The following ANO7 variants were observed in gnomAD, a reference collection of about 807,000 sequenced individuals.
The protein encoded by ANO7 is anoctamin 7, also known as anoctamin-7.
Under a neutral mutation model 115.8 loss-of-function variants are expected in ANO7, and 114 were observed. The ratio of observed to expected loss-of-function variants is 0.98; its 90% CI spans 0.85 to 1.15. The LOEUF (loss-of-function observed/expected upper bound fraction) is 1.15. ANO7 is among the 50% of genes most tolerant of loss of function. The pLI is 0.00. For synonymous variants in ANO7, 550 were observed against 498.2 expected (o/e 1.10, Z -1.38); for missense variants, 1,302 against 1,201.2 (o/e 1.08, Z -1.24).
chr2:241,239,594 G>A, the ANO7 span: 2 of 1,612,592 alleles, frequency 1.2e-6, no homozygotes, highest in Non-Finnish European at 1.7e-6. This position sits in a 1 kb window ranked among gnomAD's most constrained non-coding sequence, Gnocchi z 4.6. Flanking sequence ...GAGCACCCAA[G>A]TGCCTACCAG....
intron 17 of ANO7, 49 bp from the exon 18 acceptor site, chr2:241,214,756 T>C: frequency 1.3e-6 from 2 of 1,529,694 alleles, no homozygotes; most frequent in Non-Finnish European, 1.8e-6. Flanking sequence ...GATGCGTGGG[T>C]GAGTGGCTGG....
chr2:241,230,575 T>C (rs1337949723), downstream of ANO7, among the ~76,000 whole-genome samples: 1 of 152,222 alleles, frequency 6.6e-6, no homozygotes, highest in African/African-American at 2.4e-5. This position sits in a 1 kb window ranked among gnomAD's most constrained non-coding sequence, Gnocchi z 5.0. Flanking sequence ...ACCGTGGCAG[T>C]GCAGCCTCAC....
the ANO7 span, chr2:241,238,502 G>A: frequency 6.9e-6 from 4 of 582,878 alleles, no homozygotes; most frequent in Admixed American, 2.9e-5. This position sits in a 1 kb window ranked among gnomAD's most constrained non-coding sequence, Gnocchi z 4.9. Flanking sequence ...GCCAGGGAGT[G>A]ACCCTGAACC....
chr2:241,213,073 T>G (rs2068750576), intron 17 of ANO7, among the ~76,000 whole-genome samples: 1 of 152,190 alleles, frequency 6.6e-6, no homozygotes, highest in South Asian at 2.1e-4. Flanking sequence ...GAGAAAAGTG[T>G]GAGCCATTAC....
In ANO7 at chr2:241,203,717, C is replaced by A. The variant is rs939164424; in HGVS notation, c.889+219C>A. ...TGCCGGGCCCTGGCCTCCTAATGCTCCAGTAACAGTGCTGAGAGCCGCTTC... is the reference window on the plus strand; with the variant it reads ...TGCCGGGCCCTGGCCTCCTAATGCTACAGTAACAGTGCTGAGAGCCGCTTC... On this transcript the variant is annotated intron_variant, in intron 9 of 24. Coordinates refer to ENST00000674324, the MANE Select transcript of ANO7 (RefSeq NM_001370694.2). This position sits in a 1 kb window ranked among gnomAD's most constrained non-coding sequence, Gnocchi z 4.8. 6.6e-6 allele frequency among the ~76,000 whole-genome samples: 1 copy of A among 152,122 alleles called. No homozygotes were observed. Among genetic ancestry groups the A allele is most frequent in the Non-Finnish European group, 1.5e-5 (1 of 68,012 alleles).
At chr2:241,223,074 T>C (rs2069064316) in intron 21 of ANO7, 112 bp from the exon 22 acceptor site, 2 of 933,036 alleles carry the variant, frequency 2.1e-6, no homozygotes, top group South Asian at 1.5e-5. Flanking sequence ...GCCAGGAACA[T>C]GGGATGAGAG....
At chr2:241,211,147 G>T (rs2068710768) in intron 15 of ANO7, among the ~76,000 whole-genome samples, 1 of 152,250 alleles carries the variant, frequency 6.6e-6, no homozygotes, top group African/African-American at 2.4e-5. Flanking sequence ...GACCCTGGGG[G>T]CACTCCAGCA....
downstream of ANO7, among the ~76,000 whole-genome samples, chr2:241,226,623 A>G (rs180927469): frequency 3.3e-3 from 501 of 152,098 alleles, 1 homozygote; most frequent in African/African-American, 0.012. Context: ...ACGGGGTTTC[A>G]CCGTGTTAGC....
In ANO7 at chr2:241,200,165, T is replaced by C; in HGVS notation, c.494T>C (p.Val165Ala). 6.2e-7 allele frequency: 1 copy of C among 1,612,820 alleles called. No individual in the cohort carries two copies. Among genetic ancestry groups the C allele is most frequent in the Non-Finnish European group, 8.5e-7 (1 of 1,179,930 alleles). Residue 165 changes from valine to alanine, a missense_variant, in exon 6 of 25, where the codon GTT (valine) becomes GCT (alanine). Coordinates refer to ENST00000674324, the MANE Select transcript of ANO7 (RefSeq NM_001370694.2). ...WLGIPNVLLE[V>A]VPDVPPEYYS... ...GGCATCCCCAACGTCCTGCTGGAGG[T>C]TGTGCCAGACGTACCCCCCGAGTAC... is the stretch of plus-strand genomic sequence containing the variant.
the ANO7 span, among the ~76,000 whole-genome samples, chr2:241,233,568 G>A: frequency 1.3e-5 from 2 of 152,104 alleles, no homozygotes; most frequent in Non-Finnish European, 2.9e-5. The surrounding 1 kb of genome is among the most constrained non-coding windows in gnomAD (Gnocchi z 4.3). Context: ...TGGAGCTCCT[G>A]CTCATTTTCT....
chr2:241,216,129 C>T lies in ANO7; in HGVS notation c.1863C>T (p.Arg621=), dbSNP rs143732205. Residue 621 remains arginine, a synonymous_variant, in exon 19 of 25, where the codon CGC becomes CGT. Transcript: ENST00000674324. The part of the protein sequence containing the change: ...LKGWWQKFRL[R]SKKRKAGASA... Reference sequence around the variant, plus strand: ...GCTGGTGGCAGAAGTTCCGGCTTCGCTCCAAGAAGAGGAAGGCGGGAGCTT... The same window carrying T: ...GCTGGTGGCAGAAGTTCCGGCTTCGTTCCAAGAAGAGGAAGGCGGGAGCTT... 3.1e-6 allele frequency: 5 copies of T among 1,612,900 alleles called. No homozygotes were observed. The African/African-American group carries it at 5.3e-5, about 17-fold the overall frequency.
the ANO7 span, chr2:241,240,049 C>A: frequency 4.1e-4 from 656 of 1,614,060 alleles, no homozygotes; most frequent in Non-Finnish European, 5.3e-4. This position sits in a 1 kb window ranked among gnomAD's most constrained non-coding sequence, Gnocchi z 5.5. Flanking sequence ...GCGAATTTTG[C>A]CGCCCCCCTT....
Position 241,210,465 on chromosome 2 carries a change from T to G in ANO7, c.1459-3T>G. ...CCGGCTCTGACGGCCTGTCTCCCGT[T>G]AGGCCTCTCGCATCGCCAGCCTCAC... is the stretch of plus-strand genomic sequence containing the variant. On this transcript the variant is annotated splice_region_variant and splice_polypyrimidine_tract_variant and intron_variant, in intron 14 of 24. Coordinates refer to ENST00000674324, the MANE Select transcript of ANO7 (RefSeq NM_001370694.2). 1 of 1,613,930 alleles carries G rather than the reference T, an allele frequency of 6.2e-7. No individual in the cohort carries two copies. The highest frequency in any genetic ancestry group is 8.5e-7 in the Non-Finnish European group (1 of 1,179,898).
intron 10 of ANO7, among the ~76,000 whole-genome samples, chr2:241,206,570 A>G (rs1305991013): frequency 2.7e-5 from 1 of 37,712 alleles, no homozygotes; most frequent in African/African-American, 1.3e-4. Flanking sequence ...TGACAGGTGG[A>G]CAGGAGTGCT....
chr2:241,237,140 T>C, the ANO7 span, among the ~76,000 whole-genome samples: 4 of 152,126 alleles, frequency 2.6e-5, no homozygotes, highest in Admixed American at 6.5e-5. Flanking sequence ...GCAGACCCAC[T>C]GCACAAGTGA....
Position 241,203,347 on chromosome 2 carries a change from G to T in ANO7, c.738G>T (p.Thr246=). 1 of 1,552,108 alleles carries T rather than the reference G, an allele frequency of 6.4e-7. No homozygotes were observed. Among genetic ancestry groups the T allele is most frequent in the East Asian group, 2.4e-5 (1 of 41,990 alleles). Residue 246 remains threonine, a synonymous_variant, in exon 9 of 25, where the codon ACG becomes ACT. Transcript: ENST00000674324. This position sits in a 1 kb window ranked among gnomAD's most constrained non-coding sequence, Gnocchi z 4.8. The part of the protein sequence containing the change: ...AFPLHDGPFK[T]PPEGPQAPRL... ...CTCGCCCCCAGGGCCCCTTCAAGACGCCCCCAGAGGGCCCGCAGGCTCCAC... is the reference window on the plus strand; with the variant it reads ...CTCGCCCCCAGGGCCCCTTCAAGACTCCCCCAGAGGGCCCGCAGGCTCCAC...
At chr2:241,219,896 T>C (rs946462461) in intron 21 of ANO7, among the ~76,000 whole-genome samples, 2 of 152,172 alleles carry the variant, frequency 1.3e-5, no homozygotes, top group Admixed American at 1.3e-4. Flanking sequence ...AACTATATAT[T>C]ATCCTAACAA....
At chr2:241,212,297 G>A (rs978031431) in intron 16 of ANO7, 92 bp downstream of exon 16, 40 of 1,295,962 alleles carry the variant, frequency 3.1e-5, no homozygotes, top group African/African-American at 2.6e-4. Context: ...TCATCCAGCC[G>A]TGCTCAGGCA....
chr2:241,229,428 C>G, downstream of ANO7: 1 of 574,562 alleles, frequency 1.7e-6, no homozygotes, highest in Non-Finnish European at 3.1e-6. Flanking sequence ...ACGGCCAGGC[C>G]TGGAGGAGCG....
Sources: gnomAD v4.1 joint callset for allele counts (sites outside exome capture counted in the v4.1 genomes callset) on GRCh38, gnomAD v4.1.1 for gene constraint, Gnocchi (gnomAD v3.1) non-coding constraint, MANE v1.5 for transcripts, NCBI Gene and HGNC (gene_info 2026-07-23, HGNC 2026-07-21) for gene names.